The following AFF2 variants were observed in gnomAD, a reference collection of about 807,000 sequenced individuals.
AFF2 encodes ALF transcription elongation factor 2, also known as AF4/FMR2 family member 2.
AFF2 carries 14 observed loss-of-function variants against 76.9 expected under a neutral mutation model. That is an observed-to-expected ratio of 0.18 (90% CI 0.12 to 0.28). The LOEUF (loss-of-function observed/expected upper bound fraction) is 0.28, where lower values mean the gene tolerates loss of function less well. Ranked by LOEUF, AFF2 falls within the 10% of genes least tolerant of loss-of-function variation. The pLI is 1.00. For missense variants in AFF2, 868 were observed against 1,001.1 expected, an observed-to-expected ratio of 0.87 and a Z score of 1.79; for synonymous variants, 398 against 366.7, an observed-to-expected ratio of 1.09 and a Z score of -0.98.
intron 1 of AFF2, among the ~76,000 whole-genome samples, chrX:148,551,193 C>T (rs1052822669): frequency 9.1e-6 from 1 of 110,360 alleles, no homozygotes; most frequent in Non-Finnish European, 1.9e-5. Flanking sequence ...GGCTCCCCTA[C>T]ACTACTCTCT....
chrX:148,932,338 G>A (rs2071723621), intron 9 of AFF2, among the ~76,000 whole-genome samples: 1 of 112,033 alleles, frequency 8.9e-6, no homozygotes. Context: ...AGAGGCTACT[G>A]CTCCTTTGTG....
chrX:148,621,682 T>G (rs1251733643), intron 1 of AFF2, among the ~76,000 whole-genome samples: 1 of 111,888 alleles, frequency 8.9e-6, no homozygotes. Context: ...AAGAGCCCAT[T>G]AGCTGTGGAT....
At chrX:148,619,570 A>C (rs782467021) in intron 1 of AFF2, among the ~76,000 whole-genome samples, 55 of 112,169 alleles carry the variant, frequency 4.9e-4, no homozygotes, top group Non-Finnish European at 7.9e-4. Flanking sequence ...TAAGATGTCC[A>C]GAAGATGAGA....
intron 7 of AFF2, among the ~76,000 whole-genome samples, chrX:148,878,499 C>T (rs1486314614): frequency 9.0e-6 from 1 of 111,507 alleles, no homozygotes; most frequent in Non-Finnish European, 1.9e-5. Context: ...TGAAATCTCA[C>T]CGGCAAATAC....
chrX:148,664,494 G>A (rs1452788710), intron 3 of AFF2, among the ~76,000 whole-genome samples: 1 of 111,169 alleles, frequency 9.0e-6, no homozygotes. Context: ...CCTTCTCTGT[G>A]AAAGCTTCCC....
intron 3 of AFF2, among the ~76,000 whole-genome samples, chrX:148,683,987 T>C (rs2054575343): frequency 8.9e-6 from 1 of 111,820 alleles, no homozygotes. Context: ...TTGTGCCTGG[T>C]ATACATTAAT....
chrX:148,762,409 G>GTGTATATATATATATATATATATATA (rs1557267375), intron 3 of AFF2, among the ~76,000 whole-genome samples: 1 of 86,673 alleles, frequency 1.2e-5, no homozygotes, highest in Admixed American at 1.2e-4. Context: ...GTATTCTATG[G>GTGTATATATATATATATATATATATA]TATATATATA....
chrX:148,829,365 GT>G (rs1215625441), intron 4 of AFF2, among the ~76,000 whole-genome samples: 1 of 111,886 alleles, frequency 8.9e-6, no homozygotes, highest in African/African-American at 3.2e-5. Context: ...ATGGAACAGA[GT>G]TTTGACCACT....
chrX:148,726,581 C>T (rs1236511201), intron 3 of AFF2, among the ~76,000 whole-genome samples: 2 of 111,848 alleles, frequency 1.8e-5, no homozygotes, highest in Non-Finnish European at 3.8e-5. Context: ...AAATCACTAT[C>T]AGTATGACCC....
At chrX:148,670,419 A>G (rs1172501998) in intron 3 of AFF2, among the ~76,000 whole-genome samples, 3 of 111,882 alleles carry the variant, frequency 2.7e-5, no homozygotes, top group African/African-American at 9.8e-5. Flanking sequence ...ATATGTGTGC[A>G]TATTAGTCAT....
At chrX:148,662,939 T>A (rs1359461222) in intron 3 of AFF2, among the ~76,000 whole-genome samples, 171 bp downstream of exon 3, 1 of 112,123 alleles carries the variant, frequency 8.9e-6, no homozygotes, top group Non-Finnish European at 1.9e-5. Context: ...CATAACTGAT[T>A]AACACGCTGC....
chrX:148,551,183 G>A (rs2052985410), intron 1 of AFF2, among the ~76,000 whole-genome samples: 1 of 109,916 alleles, frequency 9.1e-6, no homozygotes, highest in Non-Finnish European at 1.9e-5. Context: ...GCAACAACAT[G>A]GCTCCCCTAC....
At chrX:148,795,162 T>C (rs1557270285) in intron 3 of AFF2, among the ~76,000 whole-genome samples, 3 of 112,050 alleles carry the variant, frequency 2.7e-5, no homozygotes, top group Non-Finnish European at 5.6e-5. Flanking sequence ...ATGGTCTTAG[T>C]AGCAGTAATT....
chrX:148,909,868 C>T (rs2071450017), intron 9 of AFF2, among the ~76,000 whole-genome samples: 1 of 112,689 alleles, frequency 8.9e-6, no homozygotes. Context: ...GACAGCAAGG[C>T]CTGAGAGATG....
chrX:148,838,348 T>A (rs1557274014), intron 5 of AFF2, among the ~76,000 whole-genome samples: 1 of 112,233 alleles, frequency 8.9e-6, no homozygotes, highest in Non-Finnish European at 1.9e-5. Flanking sequence ...CTTCCTTCCA[T>A]CCATTTATTC....
At chrX:148,704,894 T>C (rs1557262282) in intron 3 of AFF2, among the ~76,000 whole-genome samples, 1 of 110,289 alleles carries the variant, frequency 9.1e-6, no homozygotes, top group Admixed American at 9.8e-5. Flanking sequence ...CTCCAACTCC[T>C]GACCTCAAGC....
intron 3 of AFF2, among the ~76,000 whole-genome samples, chrX:148,778,090 T>A (rs967769324): frequency 6.2e-5 from 7 of 112,093 alleles, no homozygotes; most frequent in Non-Finnish European, 1.3e-4. Flanking sequence ...AAAGGCCTTT[T>A]CTGCATCTAT....
At chrX:148,658,443 C>G (rs1603269614) in intron 2 of AFF2, among the ~76,000 whole-genome samples, 1 of 112,063 alleles carries the variant, frequency 8.9e-6, no homozygotes, top group African/African-American at 3.2e-5. Flanking sequence ...CACAGCTTCA[C>G]TCCTGTGTCA....
chrX:148,513,951 G>T, intron 1 of AFF2, among the ~76,000 whole-genome samples: 1 of 111,250 alleles, frequency 9.0e-6, no homozygotes, highest in Middle Eastern at 4.7e-3. Context: ...TAGTTAAGCT[G>T]TCCCACCCAG....
Sources: allele counts gnomAD v4.1 joint callset (sites outside exome capture counted in the v4.1 genomes callset), GRCh38; gene constraint gnomAD v4.1.1; transcripts MANE v1.5; gene names NCBI Gene and HGNC (gene_info 2026-07-23, HGNC 2026-07-21).